SNX25: variants seen among roughly 807,000 people sequenced by gnomAD.
SNX25 encodes sorting nexin-25.
In SNX25, 62 loss-of-function variants were observed where a neutral mutation model predicts 113.7. The ratio of observed to expected loss-of-function variants is 0.55; its 90% CI spans 0.44 to 0.67. The LOEUF (loss-of-function observed/expected upper bound fraction) is 0.67, where lower values mean the gene tolerates loss of function less well. Among genes scored for constraint, SNX25 ranks in the 30% least tolerant of loss-of-function variants. The pLI, the probability that SNX25 is intolerant of heterozygous loss-of-function variation, is 0.00. For missense variants in SNX25, 1,014 were observed against 1,161.0 expected (o/e 0.87, Z 1.84); for synonymous variants, 421 against 436.2 (o/e 0.97, Z 0.43).
intron 6 of SNX25, among the ~76,000 whole-genome samples, chr4:185,294,809 A>C (rs935865600): frequency 6.6e-6 from 1 of 152,152 alleles, no homozygotes; most frequent in Non-Finnish European, 1.5e-5. Context: ...GTTATAATTT[A>C]AGTACGGATA....
downstream of SNX25, chr4:185,365,066 A>T (rs2095381671): frequency 6.6e-6 from 1 of 151,914 alleles, no homozygotes; most frequent in Non-Finnish European, 1.5e-5. Context: ...GGAAGTCTCA[A>T]TGCACTCGAG....
chr4:185,356,672 G>T (rs1382937764), intron 15 of SNX25, among the ~76,000 whole-genome samples: 1 of 152,016 alleles, frequency 6.6e-6, no homozygotes, highest in Non-Finnish European at 1.5e-5. Flanking sequence ...TATTTGTGTG[G>T]TTGCCCTTGT....
Position 185,320,944 on chromosome 4 carries a change from CAAGAT to C in SNX25, c.1476+84_1476+88del, listed in dbSNP as rs548623353. The C allele has an allele frequency of 3.3e-4, 421 of 1,294,700 alleles. 1 individual carries two copies. In the African/African-American group the frequency reaches 5.7e-3, roughly 18 times the overall value. The allele number at this position is 1,294,700 out of a possible 1,614,324, so 80.2% of individuals were successfully genotyped here. On this transcript the variant is annotated intron_variant, in intron 8 of 18. Coordinates refer to ENST00000652585, the MANE Select transcript of SNX25 (RefSeq NM_001378034.2). ...TGTGAGGCAGCATGTCTGTTTTTCT[CAAGAT>C]AAGTATACATTAAAAATATTTTAAA... is the stretch of plus-strand genomic sequence containing the variant.
intron 10 of SNX25, 90 bp downstream of exon 10, chr4:185,332,849 T>C: frequency 7.7e-7 from 1 of 1,303,032 alleles, no homozygotes; most frequent in East Asian, 2.4e-5. Context: ...TCAGTTTCTT[T>C]TAAAATAATT....
At chr4:185,342,533 G>A (rs1315874903) in intron 12 of SNX25, among the ~76,000 whole-genome samples, 1 of 150,344 alleles carries the variant, frequency 6.7e-6, no homozygotes, top group African/African-American at 2.5e-5. Context: ...CATATACAAG[G>A]GAGGCAGTAA....
Position 185,210,525 on chromosome 4 carries a change from C to T in SNX25, c.429+270C>T, listed in dbSNP as rs1478039388. 6.6e-6 allele frequency among the ~76,000 whole-genome samples: 1 copy of T among 152,222 alleles called. No individual in the cohort carries two copies. The highest frequency in any genetic ancestry group is 1.5e-5 in the Non-Finnish European group (1 of 68,038). Reference sequence around the variant, plus strand: ...TCTGTAGTCACTCGACAACCATCCTCAGTCACAACCCTAAGGGTGTCCCCA... The same window carrying T: ...TCTGTAGTCACTCGACAACCATCCTTAGTCACAACCCTAAGGGTGTCCCCA... On this transcript the variant is annotated intron_variant, in intron 1 of 18. Transcript: ENST00000652585. This position sits in a 1 kb window ranked among gnomAD's most constrained non-coding sequence, Gnocchi z 4.4.
chr4:185,250,608 T>C (rs75944882), intron 2 of SNX25, among the ~76,000 whole-genome samples: 3,845 of 152,306 alleles, frequency 0.025, 145 homozygotes, highest in African/African-American at 0.087. Flanking sequence ...ACATGGATCT[T>C]ACCTAGTGCC....
At chr4:185,224,680 TA>T (rs1276166889) in intron 1 of SNX25, among the ~76,000 whole-genome samples, 1 of 148,462 alleles carries the variant, frequency 6.7e-6, no homozygotes. Flanking sequence ...AATATATAAA[TA>T]ATTATGAATT....
At chr4:185,247,463 A>G (rs1243476901) in intron 2 of SNX25, 85 bp downstream of exon 2, 8 of 1,052,196 alleles carry the variant, frequency 7.6e-6, no homozygotes, top group Non-Finnish European at 1.2e-5. Context: ...CAGCAAATTT[A>G]TTCTTCTTGT....
rs530682393 is a variant in SNX25 at position 185,345,919 on chromosome 4, G to T, written c.2188-618G>T. 5.9e-5 allele frequency among the ~76,000 whole-genome samples: 9 copies of T among 152,138 alleles called. No homozygotes were observed. In the East Asian group the frequency reaches 1.7e-3, roughly 29 times the overall value. On this transcript the variant is annotated intron_variant, in intron 12 of 18. Transcript: ENST00000652585. ...GTCTCCCAGGCCCAAGTGCAGTGGT[G>T]CAACATCAGCTCACTGCAGCCTCCA... is the stretch of plus-strand genomic sequence containing the variant.
chr4:185,290,851 GC>G (rs771418484), intron 6 of SNX25, among the ~76,000 whole-genome samples: 26 of 152,192 alleles, frequency 1.7e-4, no homozygotes, highest in Non-Finnish European at 3.4e-4. Flanking sequence ...CTGCCAGGTT[GC>G]CTTGAGTGCT....
chr4:185,338,981 A>T (rs942377831), intron 10 of SNX25, among the ~76,000 whole-genome samples: 1 of 150,298 alleles, frequency 6.7e-6, no homozygotes, highest in Non-Finnish European at 1.5e-5. Flanking sequence ...TTTAGAATGA[A>T]TTTTTTTTTT....
chr4:185,293,107 A>G (rs1279533052), intron 6 of SNX25, among the ~76,000 whole-genome samples: 1 of 152,236 alleles, frequency 6.6e-6, no homozygotes, highest in Non-Finnish European at 1.5e-5. Context: ...AACACAGGAC[A>G]TCACTTCATG....
At position 185,214,866 on chromosome 4, in the gene SNX25, T is replaced by G. The variant is rs892130774; in HGVS notation, c.429+4611T>G. ...AACAATTTTAAGTATCCAACTGATATTTTTAGGTCTGAAATTTCAAGCACA... is the reference window on the plus strand; with the variant it reads ...AACAATTTTAAGTATCCAACTGATAGTTTTAGGTCTGAAATTTCAAGCACA... On this transcript the variant is annotated intron_variant, in intron 1 of 18. Coordinates refer to ENST00000652585, the MANE Select transcript of SNX25 (RefSeq NM_001378034.2). Among the ~76,000 whole-genome samples the G allele has an allele frequency of 8.5e-5, 13 of 152,278 alleles. No homozygotes were observed. In the South Asian group the frequency reaches 2.5e-3, roughly 29 times the overall value.
intron 2 of SNX25, among the ~76,000 whole-genome samples, chr4:185,250,167 G>A (rs1251775658): frequency 6.6e-6 from 1 of 152,192 alleles, no homozygotes; most frequent in Non-Finnish European, 1.5e-5. Flanking sequence ...GATGTGTTTG[G>A]ATTTTGTTCT....
intron 5 of SNX25, among the ~76,000 whole-genome samples, chr4:185,287,081 TC>T (rs1410459392): frequency 6.6e-6 from 1 of 152,184 alleles, no homozygotes; most frequent in Non-Finnish European, 1.5e-5. Flanking sequence ...TAAGAAACAC[TC>T]AGGATAAACC....
chr4:185,208,760 A>G (rs758866289), upstream of SNX25, among the ~76,000 whole-genome samples: 18 of 152,224 alleles, frequency 1.2e-4, no homozygotes, highest in Non-Finnish European at 1.0e-4. Context: ...AAAGAATGAA[A>G]TGCCCATGAA....
Position 185,310,810 on chromosome 4 carries a change from C to T in SNX25, c.1338C>T (p.Ser446=), listed in dbSNP as rs767796905. ...TGGATGAGGGGGAAGGGCCTCAAAG[C>T]CAGAAGGTAGAACTTTATAGTTTCT... ...GALDEGEGPQ[S]QKILQFEDIL... The change falls in exon 7 of 19, where the codon AGC becomes AGT. Residue 446 remains serine, a synonymous_variant. Coordinates refer to ENST00000652585, the MANE Select transcript of SNX25 (RefSeq NM_001378034.2). The T allele has an allele frequency of 1.9e-6, 3 of 1,609,732 alleles. No homozygotes were observed. The highest frequency in any genetic ancestry group is 2.2e-5 in the East Asian group (1 of 44,824).
chr4:185,212,157 G>C (rs77014105), intron 1 of SNX25, among the ~76,000 whole-genome samples: 52 of 151,902 alleles, frequency 3.4e-4, no homozygotes, highest in Admixed American at 1.2e-3. Context: ...AGTGCATTAG[G>C]GGCTGGGCAC....
Sources: allele counts gnomAD v4.1 joint callset (sites outside exome capture counted in the v4.1 genomes callset), GRCh38; gene constraint gnomAD v4.1.1; non-coding constraint Gnocchi (gnomAD v3.1); transcripts MANE v1.5; gene names NCBI Gene and HGNC (gene_info 2026-07-23, HGNC 2026-07-21).